The following FBXW10B variants were observed in gnomAD, a reference collection of about 807,000 sequenced individuals.
FBXW10B encodes F-box and WD repeat domain containing protein 10B.
At chr17:15,606,768 A>G in the FBXW10B span, among the ~76,000 whole-genome samples, 1 of 152,134 alleles carries the variant, frequency 6.6e-6, no homozygotes, top group Non-Finnish European at 1.5e-5. Context: ...AAGAGCAGTT[A>G]TCACCACACT....
chr17:15,616,666 CGTG>C, the FBXW10B span, among the ~76,000 whole-genome samples: 4 of 151,578 alleles, frequency 2.6e-5, no homozygotes, highest in South Asian at 2.1e-4. Flanking sequence ...ATTAGCCGGG[CGTG>C]GTGGTGGCAG....
the FBXW10B span, among the ~76,000 whole-genome samples, chr17:15,604,096 A>AC: frequency 6.6e-6 from 1 of 150,494 alleles, no homozygotes; most frequent in African/African-American, 2.5e-5. Flanking sequence ...AAAAAACAAA[A>AC]ACTAGAAACA....
the FBXW10B span, among the ~76,000 whole-genome samples, chr17:15,616,600 G>A: frequency 6.6e-6 from 1 of 151,858 alleles, no homozygotes; most frequent in African/African-American, 2.4e-5. Flanking sequence ...GTCAGGAGAT[G>A]GAGACCATCC....
At chr17:15,583,167 C>A in the FBXW10B span, among the ~76,000 whole-genome samples, 1 of 141,736 alleles carries the variant, frequency 7.1e-6, no homozygotes, top group East Asian at 2.1e-4. Flanking sequence ...TTCCTAATTT[C>A]TGTGCTCTCT....
chr17:15,601,115 A>G, the FBXW10B span, among the ~76,000 whole-genome samples: 4 of 150,334 alleles, frequency 2.7e-5, no homozygotes, highest in Non-Finnish European at 4.4e-5. Flanking sequence ...TCTACATAGA[A>G]AAACCAATTA....
the FBXW10B span, among the ~76,000 whole-genome samples, chr17:15,580,170 AGAAT>A: frequency 1.3e-5 from 2 of 152,152 alleles, no homozygotes; most frequent in Non-Finnish European, 2.9e-5. Context: ...TGAATATAAA[AGAAT>A]TTTTTTGTTC....
the FBXW10B span, chr17:15,613,990 A>G: frequency 6.2e-7 from 1 of 1,603,890 alleles, no homozygotes; most frequent in Non-Finnish European, 8.5e-7. Context: ...AAAACAGCCT[A>G]TTCATTTCGG....
At chr17:15,605,742 G>A in the FBXW10B span, among the ~76,000 whole-genome samples, 1 of 152,006 alleles carries the variant, frequency 6.6e-6, no homozygotes, top group Non-Finnish European at 1.5e-5. Flanking sequence ...AATTGATCAC[G>A]GAAACCTTTT....
chr17:15,610,041 T>C, the FBXW10B span, among the ~76,000 whole-genome samples: 3 of 151,880 alleles, frequency 2.0e-5, no homozygotes, highest in Admixed American at 1.3e-4. Context: ...TCTATATTTT[T>C]AGTAGAGACA....
At chr17:15,581,185 G>T in the FBXW10B span, among the ~76,000 whole-genome samples, 3 of 152,192 alleles carry the variant, frequency 2.0e-5, no homozygotes, top group Admixed American at 1.3e-4. Context: ...GTTAACTTCA[G>T]AGTCAGAACT....
chr17:15,593,058 G>C, the FBXW10B span, among the ~76,000 whole-genome samples: 3 of 135,280 alleles, frequency 2.2e-5, no homozygotes, highest in Non-Finnish European at 4.6e-5. Context: ...AGCCGAGATC[G>C]CATCACTGCA....
chr17:15,619,097 A>C, the FBXW10B span: 2 of 1,613,840 alleles, frequency 1.2e-6, no homozygotes, highest in South Asian at 2.2e-5. Context: ...CTGCAGCAGT[A>C]AGAGAGTATA....
At chr17:15,595,861 T>C in the FBXW10B span, among the ~76,000 whole-genome samples, 2 of 151,958 alleles carry the variant, frequency 1.3e-5, no homozygotes, top group Non-Finnish European at 2.9e-5. Flanking sequence ...CCCAGTGTTT[T>C]CTTCTTAGGA....
At chr17:15,608,859 A>G in the FBXW10B span, among the ~76,000 whole-genome samples, 1 of 152,264 alleles carries the variant, frequency 6.6e-6, no homozygotes, top group Non-Finnish European at 1.5e-5. Context: ...ATTATTTTAC[A>G]GATAAGGTAT....
At chr17:15,617,069 T>C in the FBXW10B span, among the ~76,000 whole-genome samples, 5 of 152,180 alleles carry the variant, frequency 3.3e-5, no homozygotes, top group Admixed American at 2.6e-4. Flanking sequence ...TCAGATGCCC[T>C]GGACTTTGGT....
the FBXW10B span, among the ~76,000 whole-genome samples, chr17:15,612,388 C>T: frequency 6.6e-6 from 1 of 152,040 alleles, no homozygotes; most frequent in African/African-American, 2.4e-5. Flanking sequence ...GTGGCGGGCT[C>T]CTGTAGTCCC....
chr17:15,580,128 G>A, the FBXW10B span, among the ~76,000 whole-genome samples: 9 of 151,324 alleles, frequency 5.9e-5, no homozygotes, highest in Non-Finnish European at 1.3e-4. Context: ...CCCTCAGCAT[G>A]AACCATGAAC....
At chr17:15,609,751 C>T in the FBXW10B span, among the ~76,000 whole-genome samples, 64,036 of 151,326 alleles carry the variant, frequency 0.42, 17,023 homozygotes, top group African/African-American at 0.76. Context: ...CCGCTTTTCC[C>T]AGGAGACTCT....
At chr17:15,579,146 AAAATAAAT>A in the FBXW10B span, among the ~76,000 whole-genome samples, 2 of 144,762 alleles carry the variant, frequency 1.4e-5, no homozygotes, top group South Asian at 2.1e-4. Context: ...CCCATTTCTT[AAAATAAAT>A]AAATAAATAA....
Sources: gnomAD v4.1 joint callset for allele counts (sites outside exome capture counted in the v4.1 genomes callset) on GRCh38, gnomAD v4.1.1 for gene constraint, MANE v1.5 for transcripts, NCBI Gene and HGNC (gene_info 2026-07-23, HGNC 2026-07-21) for gene names.